The following PTPRQ variants were observed in gnomAD, a reference collection of about 807,000 sequenced individuals.
PTPRQ encodes phosphatidylinositol phosphatase PTPRQ.
PTPRQ carries 199 observed loss-of-function variants against 246.0 expected under a neutral mutation model. The observed-to-expected ratio is 0.81, with a 90% CI of 0.72 to 0.91. The LOEUF (loss-of-function observed/expected upper bound fraction) is 0.91, where lower values mean the gene tolerates loss of function less well. Ranked by LOEUF, PTPRQ falls within the 40% of genes least tolerant of loss-of-function variation. The pLI, the probability that PTPRQ is intolerant of heterozygous loss-of-function variation, is 0.00. For synonymous variants in PTPRQ, 869 were observed against 853.2 expected (o/e 1.02, Z -0.32); for missense variants, 2,624 against 2,528.4 (o/e 1.04, Z -0.81).
chr12:80,628,925 A>G (rs1899308348), intron 33 of PTPRQ, among the ~76,000 whole-genome samples: 1 of 152,062 alleles, frequency 6.6e-6, no homozygotes, highest in Non-Finnish European at 1.5e-5. Context: ...TGCCATCACA[A>G]AATATCATAG....
chr12:80,661,804 C>A (rs759714207), intron 39 of PTPRQ, among the ~76,000 whole-genome samples: 1 of 151,662 alleles, frequency 6.6e-6, no homozygotes, highest in Non-Finnish European at 1.5e-5. Context: ...TTTTGGAAAC[C>A]TTTACATTTA....
At chr12:80,672,968 A>G (rs1488662405) in intron 42 of PTPRQ, among the ~76,000 whole-genome samples, 2 of 152,158 alleles carry the variant, frequency 1.3e-5, no homozygotes, top group African/African-American at 4.8e-5. Flanking sequence ...ATTTGATAGC[A>G]TATTAATGAT....
Position 80,506,610 on chromosome 12 carries a change from A to G in PTPRQ, c.2497A>G (p.Ser833Gly), listed in dbSNP as rs371461479. 3 of 1,542,744 alleles carry G rather than the reference A, an allele frequency of 1.9e-6. No individual in the cohort carries two copies. The highest frequency in any genetic ancestry group is 2.7e-5 in the African/African-American group (2 of 72,750). ...CCAATATATCATTGAGGTGTCTGCT[A>G]GTACACTCAAAGGTGAAGGAGTTCG... ...YTQYIIEVSA[S>G]TLKGEGVRSA... The change falls in exon 16 of 45, where the codon AGT (serine) becomes GGT (glycine). Residue 833 changes from serine (S) to glycine (G), a missense_variant. By Grantham distance (56) the Ser-to-Gly change is moderately conservative. Coordinates refer to ENST00000644991, the MANE Select transcript of PTPRQ (RefSeq NM_001145026.2).
chr12:80,491,877 A>G (rs1349558085), intron 9 of PTPRQ, among the ~76,000 whole-genome samples: 2 of 151,888 alleles, frequency 1.3e-5, no homozygotes, highest in African/African-American at 4.8e-5. Context: ...TAAGATAATT[A>G]AAAGACAGAT....
chr12:80,629,029 G>A (rs1338767728), intron 33 of PTPRQ, among the ~76,000 whole-genome samples: 2 of 151,982 alleles, frequency 1.3e-5, no homozygotes, highest in African/African-American at 4.8e-5. Context: ...TATCAGGTGA[G>A]GGCTCTCTTT....
chr12:80,496,543 T>A lies in PTPRQ; in HGVS notation c.2272+12T>A. On this transcript the variant is annotated intron_variant, in intron 14 of 44. Transcript: ENST00000644991. ...GACTTCGGAGACTGGTGAGCTTTTG[T>A]TTTCTTTGTTTGTTTAATAATACAC... The A allele has an allele frequency of 4.2e-6, 6 of 1,425,836 alleles. No homozygotes were observed. Among genetic ancestry groups the A allele is most frequent in the Non-Finnish European group, 5.5e-6 (6 of 1,085,242 alleles). The allele number at this position is 1,425,836 out of a possible 1,614,324, so 88.3% of individuals were successfully genotyped here.
intron 19 of PTPRQ, 30 bp from the exon 20 acceptor site, chr12:80,539,746 T>G: frequency 6.6e-7 from 1 of 1,507,124 alleles, no homozygotes. Context: ...AAAAAATACA[T>G]TCTGAACAAT....
At chr12:80,477,580 C>A (rs948367065) in intron 8 of PTPRQ, among the ~76,000 whole-genome samples, 6 of 152,154 alleles carry the variant, frequency 3.9e-5, no homozygotes, top group Non-Finnish European at 5.9e-5. Context: ...GCGTGAACGA[C>A]GCAGAAGACG....
At chr12:80,670,541 A>C in intron 42 of PTPRQ, 49 bp downstream of exon 42, 1 of 1,425,200 alleles carries the variant, frequency 7.0e-7, no homozygotes. Flanking sequence ...TCTTTTTATT[A>C]TTAAAATTCC....
In PTPRQ at chr12:80,445,670, G is replaced by A; in HGVS notation, c.343G>A (p.Glu115Lys). 1 of 1,549,906 alleles carries A rather than the reference G, an allele frequency of 6.5e-7. No individual in the cohort carries two copies. The highest frequency in any genetic ancestry group is 8.7e-7 in the Non-Finnish European group (1 of 1,145,718). The change falls in exon 3 of 45, where the codon GAA (glutamate) becomes AAA (lysine). Residue 115 changes from glutamate to lysine, a missense_variant. Physicochemically the swap from Glu to Lys is moderately conservative, Grantham distance 56 (BLOSUM62 1). Transcript: ENST00000644991. ...TQVRSKPDSL[E>K]VLLTNLNPGT... ...AGTCAGATCAAAGCCAGACAGTCTG[G>A]AAGTTCTTCTTACTAATCTTAATCC...
chr12:80,534,960 A>G lies in PTPRQ; in HGVS notation c.2908A>G (p.Thr970Ala). Residue 970 changes from threonine to alanine, a missense_variant, in exon 19 of 45, where the codon ACA becomes GCA. By Grantham distance (58) the Thr-to-Ala change is moderately conservative. Coordinates refer to ENST00000644991, the MANE Select transcript of PTPRQ (RefSeq NM_001145026.2). ...TTCTTCATCAATAATTCTTTTCTGG[A>G]CACCTCCTTCAAAACCTAATGGGAT... is the stretch of plus-strand genomic sequence containing the variant. ...LSSSSIILFW[T>A]PPSKPNGIIQ... 1.3e-6 allele frequency: 2 copies of G among 1,550,292 alleles called. No individual in the cohort carries two copies. The highest frequency in any genetic ancestry group is 1.7e-6 in the Non-Finnish European group (2 of 1,146,386).
chr12:80,663,275 G>A (rs1900687416), intron 39 of PTPRQ, among the ~76,000 whole-genome samples: 1 of 151,848 alleles, frequency 6.6e-6, no homozygotes, highest in Non-Finnish European at 1.5e-5. Flanking sequence ...ATATGTGTAT[G>A]TATATAAAAT....
intron 35 of PTPRQ, among the ~76,000 whole-genome samples, chr12:80,643,419 C>T (rs1384453538): frequency 6.8e-6 from 1 of 147,732 alleles, no homozygotes; most frequent in Non-Finnish European, 1.5e-5. Context: ...GCCTGGGCAA[C>T]AATCGTGAAA....
chr12:80,544,090 T>A (rs1263580853), intron 23 of PTPRQ, among the ~76,000 whole-genome samples: 1 of 152,136 alleles, frequency 6.6e-6, no homozygotes, highest in Non-Finnish European at 1.5e-5. Context: ...ATAGGCTCTC[T>A]TAGCATAGCG....
At chr12:80,590,023 A>G (rs938795405) in intron 26 of PTPRQ, among the ~76,000 whole-genome samples, 2 of 152,296 alleles carry the variant, frequency 1.3e-5, no homozygotes, top group Non-Finnish European at 2.9e-5. Flanking sequence ...TACTATTTCC[A>G]GTCCTGAATG....
At chr12:80,504,125 C>T (rs1465942984) in intron 14 of PTPRQ, among the ~76,000 whole-genome samples, 4 of 151,570 alleles carry the variant, frequency 2.6e-5, no homozygotes, top group Non-Finnish European at 4.4e-5. Context: ...AATATTTCTT[C>T]ATTTTCTCTA....
chr12:80,640,929 C>G (rs989227786), intron 35 of PTPRQ, among the ~76,000 whole-genome samples: 2 of 152,150 alleles, frequency 1.3e-5, no homozygotes, highest in Non-Finnish European at 2.9e-5. Flanking sequence ...GATTCCTGTA[C>G]AGGCTTCTCA....
intron 9 of PTPRQ, among the ~76,000 whole-genome samples, chr12:80,491,654 C>T (rs565935643): frequency 1.3e-5 from 2 of 151,992 alleles, no homozygotes; most frequent in South Asian, 2.1e-4. Flanking sequence ...GATTTTTTGA[C>T]TCATTTCTCC....
At chr12:80,577,852 T>C (rs1322767288) in intron 25 of PTPRQ, among the ~76,000 whole-genome samples, 1 of 152,142 alleles carries the variant, frequency 6.6e-6, no homozygotes, top group Non-Finnish European at 1.5e-5. Context: ...ATTCTCAGCT[T>C]TGTAGTAGCA....
Sources: allele counts gnomAD v4.1 joint callset (sites outside exome capture counted in the v4.1 genomes callset), GRCh38; gene constraint gnomAD v4.1.1; transcripts MANE v1.5; gene names NCBI Gene and HGNC (gene_info 2026-07-23, HGNC 2026-07-21).